The following PRKAA2 variants were observed in gnomAD, a reference collection of about 807,000 sequenced individuals.
PRKAA2 encodes the protein 5'-AMP-activated protein kinase catalytic subunit alpha-2.
A neutral mutation model predicts 56.3 loss-of-function variants in PRKAA2; 40 were observed. The observed-to-expected ratio is 0.71, with a 90% CI of 0.55 to 0.92. The LOEUF (loss-of-function observed/expected upper bound fraction) is 0.92. Among genes scored for constraint, PRKAA2 ranks in the 40% least tolerant of loss-of-function variants. The probability of loss-of-function intolerance (pLI) is 0.00; values close to 1 mark genes in which losing one functional copy is unlikely to be tolerated. For synonymous variants in PRKAA2, 214 were observed against 234.2 expected, an observed-to-expected ratio of 0.91 and a Z score of 0.79; for missense variants, 542 against 686.9, an observed-to-expected ratio of 0.79 and a Z score of 2.36.
At position 56,707,775 on chromosome 1, in the gene PRKAA2, A is replaced by G. The variant is rs958943190; in HGVS notation, c.*62A>G. On this transcript the variant is annotated 3_prime_UTR_variant, in exon 9 of 9. Transcript: ENST00000371244. ...AATCAGTTATATTCTTTAAATTTTT[A>G]TCTTACTTTTGGATAATATCCACTG... 5.6e-6 allele frequency: 8 copies of G among 1,421,958 alleles called. No individual in the cohort carries two copies. Among genetic ancestry groups the G allele is most frequent in the Non-Finnish European group, 7.8e-6 (8 of 1,029,212 alleles). 88.1% of individuals were successfully genotyped at this position (1,421,958 alleles called of 1,614,324 possible).
At chr1:56,661,454 C>A (rs1643993891) in intron 1 of PRKAA2, among the ~76,000 whole-genome samples, 1 of 152,084 alleles carries the variant, frequency 6.6e-6, no homozygotes, top group Non-Finnish European at 1.5e-5. Flanking sequence ...CTGTATCTGG[C>A]TTCTTTACAT....
chr1:56,696,351 A>G (rs76034124), intron 6 of PRKAA2, among the ~76,000 whole-genome samples, 192 bp downstream of exon 6: 8,545 of 152,082 alleles, frequency 0.056, 403 homozygotes, highest in African/African-American at 0.12. Flanking sequence ...TGTTTATATT[A>G]TTCACTTTGC....
intron 7 of PRKAA2, 101 bp downstream of exon 7, chr1:56,704,576 A>G: frequency 3.0e-6 from 4 of 1,343,208 alleles, no homozygotes; most frequent in Non-Finnish European, 4.0e-6. Flanking sequence ...AACTTTTTCT[A>G]GTAATATGCT....
chr1:56,696,188 A>G (rs775423571), intron 6 of PRKAA2, 29 bp downstream of exon 6: 6 of 1,551,442 alleles, frequency 3.9e-6, no homozygotes, highest in Non-Finnish European at 3.5e-6. Flanking sequence ...TCTGTTCTGC[A>G]TATTTTCTCA....
At chr1:56,697,562 T>A (rs1300700851) in intron 6 of PRKAA2, among the ~76,000 whole-genome samples, 1 of 152,142 alleles carries the variant, frequency 6.6e-6, no homozygotes, top group African/African-American at 2.4e-5. Flanking sequence ...GGAAAAAAAC[T>A]CTTTGTGTTT....
chr1:56,700,449 A>G (rs1644286667), intron 6 of PRKAA2, among the ~76,000 whole-genome samples: 1 of 152,106 alleles, frequency 6.6e-6, no homozygotes, highest in Non-Finnish European at 1.5e-5. Context: ...TCTCAGGCAA[A>G]CACACAACTC....
intron 2 of PRKAA2, among the ~76,000 whole-genome samples, chr1:56,677,815 C>T (rs12097148): frequency 0.42 from 63,384 of 151,902 alleles, 13,759 homozygotes; most frequent in Middle Eastern, 0.52. Flanking sequence ...TGCCACCACA[C>T]CCTGCTAATT....
rs1048636368 is a variant in PRKAA2 at position 56,658,589 on chromosome 1, C to CCG, written c.94+13109_94+13110insGC. 3.4e-4 allele frequency among the ~76,000 whole-genome samples: 24 copies of CCG among 70,546 alleles called. No individual in the cohort carries two copies. The Admixed American group carries it at 5.2e-3, about 15-fold the overall frequency. The allele number at this position is 70,546 out of a possible 152,430, so 46.3% of individuals were successfully genotyped here. A position where few individuals can be genotyped will look rare whatever the true frequency, so the allele number is the denominator to read the frequency against. On this transcript the variant is annotated intron_variant, in intron 1 of 8. Transcript: ENST00000371244. Reference sequence around the variant, plus strand: ...AATGTTGTTGTTTTTTTTTTTCTTCCCCCCCCCCGCCATTTTTTGTTTGTT... The same window carrying CCG: ...AATGTTGTTGTTTTTTTTTTTCTTCCCGCCCCCCCCGCCATTTTTTGTTTGTT...
intron 2 of PRKAA2, among the ~76,000 whole-genome samples, chr1:56,686,184 C>T (rs920517645): frequency 6.6e-6 from 1 of 152,166 alleles, no homozygotes; most frequent in Non-Finnish European, 1.5e-5. Context: ...ACTCAATAAG[C>T]ATGGGCAAAA....
intron 1 of PRKAA2, among the ~76,000 whole-genome samples, chr1:56,657,815 G>A (rs1301701192): frequency 2.0e-5 from 3 of 152,118 alleles, no homozygotes; most frequent in Non-Finnish European, 4.4e-5. Flanking sequence ...TTTGTCAACA[G>A]AAGACATATA....
At position 56,645,411 on chromosome 1, in the gene PRKAA2, C is replaced by G. The variant is rs200643979; in HGVS notation, c.24C>G (p.Asp8Glu). The G allele has an allele frequency of 1.3e-6, 2 of 1,510,308 alleles. No individual in the cohort carries two copies. Among genetic ancestry groups the G allele is most frequent in the East Asian group, 5.5e-5 (2 of 36,110 alleles). The allele number at this position is 1,510,308 out of a possible 1,614,324, so 93.6% of individuals were successfully genotyped here. MAEKQKHDGRVKIGHYVL... is the reference protein window; with the variant it reads MAEKQKHEGRVKIGHYVL... ...AGATGGCTGAGAAGCAGAAGCACGA[C>G]GGGCGGGTGAAGATCGGACACTACG... Residue 8 changes from aspartate (D) to glutamate (E), a missense_variant, in exon 1 of 9, where the codon GAC becomes GAG. Transcript: ENST00000371244.
chr1:56,681,667 G>T (rs1294579892), intron 2 of PRKAA2, among the ~76,000 whole-genome samples: 1 of 152,190 alleles, frequency 6.6e-6, no homozygotes, highest in African/African-American at 2.4e-5. Flanking sequence ...GATGGTTGTA[G>T]ATGTGTGGTA....
intron 2 of PRKAA2, among the ~76,000 whole-genome samples, chr1:56,677,853 C>T (rs561274460): frequency 9.2e-5 from 14 of 152,064 alleles, no homozygotes; most frequent in South Asian, 2.1e-4. Flanking sequence ...ACAGGCTTTC[C>T]GCCATTTTGC....
chr1:56,668,503 T>C (rs1644051937), intron 1 of PRKAA2, among the ~76,000 whole-genome samples: 1 of 152,106 alleles, frequency 6.6e-6, no homozygotes. Flanking sequence ...GACTGAAGCT[T>C]CATTTTCTTT....
rs1644367808 is a variant in PRKAA2 at position 56,711,367 on chromosome 1, T to C, written c.*3654T>C. 6.6e-6 allele frequency: 1 copy of C among 152,146 alleles called. No homozygotes were observed. The highest frequency in any genetic ancestry group is 1.5e-5 in the Non-Finnish European group (1 of 67,994). The allele number at this position is 152,146 out of a possible 1,614,324, so 9.4% of individuals were successfully genotyped here. A position where few individuals can be genotyped will look rare whatever the true frequency, so the allele number is the denominator to read the frequency against. On this transcript the variant is annotated 3_prime_UTR_variant, in exon 9 of 9. Transcript: ENST00000371244. ...TGGATTTATCTGTAGCATTGAATAA[T>C]GTGCAGTGTACTGAGTTAATGTAGG...
chr1:56,682,877 T>G, intron 2 of PRKAA2, among the ~76,000 whole-genome samples: 1 of 151,796 alleles, frequency 6.6e-6, no homozygotes, highest in Non-Finnish European at 1.5e-5. Flanking sequence ...TAGCCACATT[T>G]CAAGTACTTA....
chr1:56,674,625 T>C, intron 2 of PRKAA2, 103 bp downstream of exon 2: 2 of 1,064,058 alleles, frequency 1.9e-6, no homozygotes, highest in Non-Finnish European at 2.6e-6. Context: ...ACAAAGATTT[T>C]TTTTCATGTT....
Position 56,712,744 on chromosome 1 carries a change from CG to C in PRKAA2, c.*5034del, listed in dbSNP as rs1557569439. Reference sequence around the variant, plus strand: ...CAGGCTGCTTGTAATCCCAGCTACTCGGGAGGCTGAGGCACGGGAATCTCTT... The same window carrying C: ...CAGGCTGCTTGTAATCCCAGCTACTCGGAGGCTGAGGCACGGGAATCTCTT... On this transcript the variant is annotated 3_prime_UTR_variant, in exon 9 of 9. Transcript: ENST00000371244. 6.6e-6 allele frequency: 1 copy of C among 151,898 alleles called. No individual in the cohort carries two copies. 9.4% of individuals were successfully genotyped at this position (151,898 alleles called of 1,614,324 possible).
chr1:56,691,639 C>A, intron 3 of PRKAA2, 152 bp downstream of exon 3: 1 of 449,204 alleles, frequency 2.2e-6, no homozygotes, highest in Non-Finnish European at 3.7e-6. Flanking sequence ...AATTTTCTTT[C>A]TTAAAAAGCA....
Sources: allele counts gnomAD v4.1 joint callset (sites outside exome capture counted in the v4.1 genomes callset), GRCh38; gene constraint gnomAD v4.1.1; transcripts MANE v1.5; gene names NCBI Gene and HGNC (gene_info 2026-07-23, HGNC 2026-07-21).